The following NBEA variants were observed in gnomAD, a reference collection of about 807,000 sequenced individuals.
NBEA encodes neurobeachin, also known as lysosomal-trafficking regulator 2.
NBEA carries 44 observed loss-of-function variants against 343.4 expected under a neutral mutation model. The ratio of observed to expected loss-of-function variants is 0.13; its 90% CI spans 0.10 to 0.16. NBEA has a LOEUF of 0.16. NBEA is among the 10% of genes least tolerant of loss of function. The pLI is 1.00. For synonymous variants in NBEA, 1,175 were observed against 1,238.7 expected (o/e 0.95, Z 1.08); for missense variants, 2,555 against 3,631.3 (o/e 0.70, Z 7.62).
Position 35,123,419 on chromosome 13 carries a change from A to G in NBEA, c.2244-63A>G. ...CATATGTATAATTTATCTGTAAAGC[A>G]TGTAGTGTGTTTTTGTTTTTAATAT... On this transcript the variant is annotated intron_variant, in intron 16 of 58. Coordinates refer to ENST00000379939, the MANE Select transcript of NBEA (RefSeq NM_001385012.1). The G allele has an allele frequency of 3.7e-6, 3 of 812,574 alleles. No individual in the cohort carries two copies. In the South Asian group the frequency reaches 8.2e-5, roughly 22 times the overall value. The allele number at this position is 812,574 out of a possible 1,614,324, so 50.3% of individuals were successfully genotyped here.
chr13:35,335,049 G>T (rs531905771), intron 36 of NBEA, among the ~76,000 whole-genome samples: 6 of 152,000 alleles, frequency 3.9e-5, no homozygotes, highest in South Asian at 2.1e-4. Context: ...AGGGATAGGG[G>T]TCTAGTTTCA....
At chr13:35,003,002 A>G (rs964696155) in intron 1 of NBEA, among the ~76,000 whole-genome samples, 1 of 152,202 alleles carries the variant, frequency 6.6e-6, no homozygotes, top group Non-Finnish European at 1.5e-5. Flanking sequence ...TAAATTTCAT[A>G]GAACAGGGAT....
chr13:35,128,998 C>G (rs2067272319), intron 17 of NBEA, among the ~76,000 whole-genome samples: 1 of 144,534 alleles, frequency 6.9e-6, no homozygotes, highest in South Asian at 2.2e-4. Context: ...GAGTTCAAAA[C>G]CAAACACCAC....
chr13:35,482,347 A>G (rs1273911797), intron 41 of NBEA, among the ~76,000 whole-genome samples: 2 of 151,536 alleles, frequency 1.3e-5, no homozygotes, highest in Non-Finnish European at 3.0e-5. Context: ...AGAGATAACT[A>G]TCTGAGAATA....
chr13:35,255,229 C>T lies in NBEA; in HGVS notation c.5776+22610C>T, dbSNP rs142875253. Among the ~76,000 whole-genome samples, 606 of 152,286 alleles carry T rather than the reference C, an allele frequency of 4.0e-3. 3 individuals carry two copies. Among genetic ancestry groups the T allele is most frequent in the African/African-American group, 0.014 (584 of 41,546 alleles). On this transcript the variant is annotated intron_variant, in intron 34 of 58. Transcript: ENST00000379939. The stretch of plus-strand genomic sequence containing the variant: ...ATTTTGGAATAAATAGGGACTGTTG[C>T]GAAGCATCACTTTCATTCTTTCCAT...
At chr13:35,396,169 G>A (rs1454424741) in intron 38 of NBEA, among the ~76,000 whole-genome samples, 1 of 151,998 alleles carries the variant, frequency 6.6e-6, no homozygotes, top group African/African-American at 2.4e-5. Flanking sequence ...AGCTGGGGTT[G>A]TAGGTGCATG....
intron 1 of NBEA, among the ~76,000 whole-genome samples, chr13:35,028,774 C>G (rs1414364880): frequency 6.6e-6 from 1 of 151,380 alleles, no homozygotes; most frequent in Admixed American, 6.6e-5. Flanking sequence ...GCAATACCCC[C>G]ACATTTCCCC....
chr13:35,329,576 A>G (rs1406530573), intron 36 of NBEA, among the ~76,000 whole-genome samples: 1 of 152,060 alleles, frequency 6.6e-6, no homozygotes, highest in African/African-American at 2.4e-5. Context: ...ATGTGAAGTG[A>G]AAGAAGCCAA....
intron 31 of NBEA, among the ~76,000 whole-genome samples, chr13:35,198,176 T>G (rs2072760327): frequency 6.6e-6 from 1 of 152,168 alleles, no homozygotes; most frequent in South Asian, 2.1e-4. Flanking sequence ...TTATTTCACC[T>G]TTTTCACATA....
intron 33 of NBEA, among the ~76,000 whole-genome samples, chr13:35,216,695 A>C (rs2152757825): frequency 6.6e-6 from 1 of 152,124 alleles, no homozygotes; most frequent in South Asian, 2.1e-4. Context: ...TTCACTAAAA[A>C]TACTGCCATG....
At chr13:35,293,514 A>G (rs776923740) in intron 35 of NBEA, among the ~76,000 whole-genome samples, 3 of 152,022 alleles carry the variant, frequency 2.0e-5, no homozygotes, top group Non-Finnish European at 4.4e-5. Context: ...TTAATATCAA[A>G]TCAGTGCTTA....
intron 6 of NBEA, among the ~76,000 whole-genome samples, chr13:35,052,813 A>G (rs1443588467): frequency 6.6e-6 from 1 of 152,030 alleles, no homozygotes; most frequent in Non-Finnish European, 1.5e-5. Context: ...TTGTTTATTC[A>G]TTCATTTAAT....
At chr13:35,625,866 T>C (rs937836701) in intron 48 of NBEA, among the ~76,000 whole-genome samples, 13 of 152,264 alleles carry the variant, frequency 8.5e-5, no homozygotes, top group African/African-American at 2.4e-4. Flanking sequence ...ATACTAACAG[T>C]TGATGGAGAT....
chr13:35,140,658 A>G (rs1040354137), intron 17 of NBEA, among the ~76,000 whole-genome samples: 2 of 152,190 alleles, frequency 1.3e-5, no homozygotes, highest in Non-Finnish European at 2.9e-5. Flanking sequence ...GAGGGTATCA[A>G]CAATCCTGTG....
intron 41 of NBEA, chr13:35,475,996 T>A (rs774206036): frequency 2.5e-6 from 4 of 1,614,220 alleles, no homozygotes; most frequent in Non-Finnish European, 3.4e-6. Flanking sequence ...CCGCGGCTCC[T>A]GCACTTCCAC....
intron 38 of NBEA, among the ~76,000 whole-genome samples, chr13:35,404,362 A>C (rs1198620075): frequency 6.6e-6 from 1 of 151,056 alleles, no homozygotes; most frequent in Non-Finnish European, 1.5e-5. Flanking sequence ...CCAGATGTCC[A>C]ACAATGATAG....
At chr13:35,014,260 C>G (rs989994648) in intron 1 of NBEA, among the ~76,000 whole-genome samples, 3 of 152,146 alleles carry the variant, frequency 2.0e-5, no homozygotes, top group Non-Finnish European at 4.4e-5. Flanking sequence ...AGTGAATCTT[C>G]TCTTTTTCCT....
At chr13:35,520,710 G>T (rs905554375) in intron 41 of NBEA, among the ~76,000 whole-genome samples, 3 of 151,804 alleles carry the variant, frequency 2.0e-5, no homozygotes, top group African/African-American at 7.3e-5. Flanking sequence ...TTTCACCCAG[G>T]GTTTCTTTTC....
At chr13:35,593,929 T>C (rs1336884509) in intron 47 of NBEA, among the ~76,000 whole-genome samples, 1 of 152,082 alleles carries the variant, frequency 6.6e-6, no homozygotes, top group African/African-American at 2.4e-5. Context: ...TGCCTGGGGA[T>C]ACTATGCAAC....
Sources: allele counts gnomAD v4.1 joint callset (sites outside exome capture counted in the v4.1 genomes callset), GRCh38; gene constraint gnomAD v4.1.1; transcripts MANE v1.5; gene names NCBI Gene and HGNC (gene_info 2026-07-23, HGNC 2026-07-21).